Variants in KIRREL3 observed in about 807,000 individuals in gnomAD.
KIRREL3 encodes kirre like nephrin family adhesion molecule 3, also known as kin of IRRE-like protein 3.
Under a neutral mutation model 89.7 loss-of-function variants are expected in KIRREL3, and 36 were observed. The ratio of observed to expected loss-of-function variants is 0.40; its 90% CI spans 0.31 to 0.53. KIRREL3 has a LOEUF of 0.53. KIRREL3 is among the 20% of genes least tolerant of loss of function. The pLI is 0.49. For synonymous variants in KIRREL3, 445 were observed against 441.4 expected (o/e 1.01, Z -0.10); for missense variants, 864 against 1,056.6 (o/e 0.82, Z 2.53).
chr11:126,504,874 A>G (rs557475946), intron 4 of KIRREL3, among the ~76,000 whole-genome samples: 1 of 152,350 alleles, frequency 6.6e-6, no homozygotes, highest in South Asian at 2.1e-4. Context: ...TTACTGTAAT[A>G]CACTATATTA....
In KIRREL3 at chr11:126,946,928, G is replaced by A. The variant is rs758127863; in HGVS notation, c.55+53527C>T. Among the ~76,000 whole-genome samples, 2 of 152,180 alleles carry A rather than the reference G, an allele frequency of 1.3e-5. No individual in the cohort carries two copies. Among genetic ancestry groups the A allele is most frequent in the Non-Finnish European group, 2.9e-5 (2 of 68,042 alleles). On this transcript the variant is annotated intron_variant, in intron 1 of 16. Coordinates refer to ENST00000525144, the MANE Select transcript of KIRREL3 (RefSeq NM_032531.4). The surrounding 1 kb of genome is among the most constrained non-coding windows in gnomAD (Gnocchi z 4.1). ...CACCATACAGAGATTGAATGTGCAGGCATTGAGTGGTTAAATAACTTCCTA... is the reference window on the plus strand; with the variant it reads ...CACCATACAGAGATTGAATGTGCAGACATTGAGTGGTTAAATAACTTCCTA...
Position 126,773,514 on chromosome 11 carries a change from C to T in KIRREL3, c.56-210602G>A, listed in dbSNP as rs181014135. On this transcript the variant is annotated intron_variant, in intron 1 of 16. Coordinates refer to ENST00000525144, the MANE Select transcript of KIRREL3 (RefSeq NM_032531.4). The surrounding 1 kb of genome is among the most constrained non-coding windows in gnomAD (Gnocchi z 4.2). ...AATAAATCTGTCTTTCTCTATATAT[C>T]GCTTCCTGTTGGTTCTGTTTCTCTG... Among the ~76,000 whole-genome samples the T allele has an allele frequency of 1.1e-3, 172 of 152,332 alleles. 1 individual carries two copies. Among genetic ancestry groups the T allele is most frequent in the African/African-American group, 3.8e-3 (158 of 41,568 alleles).
At chr11:126,667,409 G>A (rs1945713808) in intron 1 of KIRREL3, among the ~76,000 whole-genome samples, 1 of 152,238 alleles carries the variant, frequency 6.6e-6, no homozygotes, top group Non-Finnish European at 1.5e-5. Flanking sequence ...TTGCACATAG[G>A]TGTAGTCTAT....
chr11:126,747,896 G>A lies in KIRREL3; in HGVS notation c.56-184984C>T, dbSNP rs1428934843. On this transcript the variant is annotated intron_variant, in intron 1 of 16. Coordinates refer to ENST00000525144, the MANE Select transcript of KIRREL3 (RefSeq NM_032531.4). This position sits in a 1 kb window ranked among gnomAD's most constrained non-coding sequence, Gnocchi z 4.7. ...AGGTCAACTGGAAGACTCCCCTCCAGACAGGCGTTGCGGTCTTTCCCTATC... is the reference window on the plus strand; with the variant it reads ...AGGTCAACTGGAAGACTCCCCTCCAAACAGGCGTTGCGGTCTTTCCCTATC... Among the ~76,000 whole-genome samples, 1 of 152,052 alleles carries A rather than the reference G, an allele frequency of 6.6e-6. No individual in the cohort carries two copies. The highest frequency in any genetic ancestry group is 1.9e-4 in the East Asian group (1 of 5,154).
intron 1 of KIRREL3, among the ~76,000 whole-genome samples, chr11:126,804,326 G>A (rs1243079440): frequency 1.3e-5 from 2 of 152,204 alleles, no homozygotes; most frequent in Non-Finnish European, 2.9e-5. Flanking sequence ...CCTGGCAGAG[G>A]CGAGAGTGGA....
At chr11:126,819,250 A>G (rs1943126972) in intron 1 of KIRREL3, among the ~76,000 whole-genome samples, 1 of 152,198 alleles carries the variant, frequency 6.6e-6, no homozygotes, top group Admixed American at 6.5e-5. Context: ...AGCATCTCGC[A>G]GGAGGTACCG....
intron 4 of KIRREL3, among the ~76,000 whole-genome samples, chr11:126,517,187 T>C (rs1958443950): frequency 1.6e-5 from 2 of 126,254 alleles, no homozygotes; most frequent in African/African-American, 5.9e-5. Context: ...TGTTTAATGT[T>C]TACAACAATT....
Position 126,769,916 on chromosome 11 carries a change from C to T in KIRREL3, c.56-207004G>A, listed in dbSNP as rs190488186. On this transcript the variant is annotated intron_variant, in intron 1 of 16. Coordinates refer to ENST00000525144, the MANE Select transcript of KIRREL3 (RefSeq NM_032531.4). The surrounding 1 kb of genome is among the most constrained non-coding windows in gnomAD (Gnocchi z 4.3). The stretch of plus-strand genomic sequence containing the variant: ...CACATACCCAGGGGGGTTGGCTTGG[C>T]GGAGTGTTGGGCACATAGCTAGAGC... Among the ~76,000 whole-genome samples the T allele has an allele frequency of 9.9e-5, 15 of 152,192 alleles. No individual in the cohort carries two copies. The highest frequency in any genetic ancestry group is 3.9e-4 in the Admixed American group (6 of 15,300).
chr11:126,834,899 G>T (rs1331633389), intron 1 of KIRREL3, among the ~76,000 whole-genome samples: 2 of 152,232 alleles, frequency 1.3e-5, no homozygotes, highest in Non-Finnish European at 2.9e-5. Flanking sequence ...TACTGACCAT[G>T]CTCAGAGCGT....
At chr11:126,746,342 T>C (rs11829011) in intron 1 of KIRREL3, among the ~76,000 whole-genome samples, 15 of 152,130 alleles carry the variant, frequency 9.9e-5, no homozygotes, top group African/African-American at 3.6e-4. Flanking sequence ...GTGCAAGGTG[T>C]CATGGAAGTG....
chr11:126,564,680 C>T lies in KIRREL3; in HGVS notation c.56-1768G>A, dbSNP rs1025436156. 6.6e-6 allele frequency among the ~76,000 whole-genome samples: 1 copy of T among 152,228 alleles called. No homozygotes were observed. The highest frequency in any genetic ancestry group is 2.4e-5 in the African/African-American group (1 of 41,472). ...GGCCCTTTCTTCAGGGGCTCCTGCT[C>T]TGTCGCAGGCCTCATGGATCAAAGC... On this transcript the variant is annotated intron_variant, in intron 1 of 16. Coordinates refer to ENST00000525144, the MANE Select transcript of KIRREL3 (RefSeq NM_032531.4). This position sits in a 1 kb window ranked among gnomAD's most constrained non-coding sequence, Gnocchi z 7.4.
chr11:126,425,662 CTCT>C lies in KIRREL3; in HGVS notation c.1866_1868del (p.Glu624del). 1 of 1,592,674 alleles carries C rather than the reference CTCT, an allele frequency of 6.3e-7. No homozygotes were observed. The highest frequency in any genetic ancestry group is 1.1e-5 in the South Asian group (1 of 87,116). On this transcript the variant is annotated inframe_deletion, in exon 16 of 17. Coordinates refer to ENST00000525144, the MANE Select transcript of KIRREL3 (RefSeq NM_032531.4). ...CCTTCAGGTTCTGAAACTCTTTCTC[CTCT>C]TCTTTGAGGACCTCCAGCTGTTTCA...
chr11:126,462,858 CG>C lies in KIRREL3; in HGVS notation c.742+298del, dbSNP rs1212741308. Among the ~76,000 whole-genome samples the C allele has an allele frequency of 3.3e-5, 5 of 152,132 alleles. No homozygotes were observed. The highest frequency in any genetic ancestry group is 9.7e-5 in the African/African-American group (4 of 41,424). On this transcript the variant is annotated intron_variant, in intron 6 of 16. Coordinates refer to ENST00000525144, the MANE Select transcript of KIRREL3 (RefSeq NM_032531.4). This position sits in a 1 kb window ranked among gnomAD's most constrained non-coding sequence, Gnocchi z 4.8. ...ACTTCCCCTCCAACAGAGGGGCCACCGGCTAGGCCAGCAGAGGCAGCAGCTG... is the reference window on the plus strand; with the variant it reads ...ACTTCCCCTCCAACAGAGGGGCCACCGCTAGGCCAGCAGAGGCAGCAGCTG...
rs1044033382 is a variant in KIRREL3, at chr11:126,485,590, G to A, written c.434-12124C>T. ...TCATGTAAGAGTTATGCAGTGTCTT[G>A]TCCCAGAGCTTGGCACTGTAGTAAG... On this transcript the variant is annotated intron_variant, in intron 4 of 16. Transcript: ENST00000525144. The surrounding 1 kb of genome is among the most constrained non-coding windows in gnomAD (Gnocchi z 5.8). 1.8e-4 allele frequency among the ~76,000 whole-genome samples: 28 copies of A among 152,374 alleles called. No homozygotes were observed. The highest frequency in any genetic ancestry group is 6.5e-4 in the African/African-American group (27 of 41,590).
chr11:126,730,204 C>A (rs531853266), intron 1 of KIRREL3, among the ~76,000 whole-genome samples: 9 of 152,336 alleles, frequency 5.9e-5, no homozygotes, highest in Non-Finnish European at 8.8e-5. Flanking sequence ...TGGCTCTCAG[C>A]CCCGCAGAAC....
chr11:126,560,926 T>C (rs1297957243), intron 2 of KIRREL3, among the ~76,000 whole-genome samples: 4 of 152,248 alleles, frequency 2.6e-5, no homozygotes, highest in African/African-American at 7.2e-5. Context: ...ATGTATGTCA[T>C]GGCTGCTATT....
chr11:126,962,744 A>G (rs761841681), intron 1 of KIRREL3, among the ~76,000 whole-genome samples: 2 of 152,292 alleles, frequency 1.3e-5, no homozygotes, highest in East Asian at 3.9e-4. Flanking sequence ...TGAAAGGAAC[A>G]TTCAAATTGA....
In KIRREL3 at chr11:126,526,942, C is replaced by T. The variant is rs565998804; in HGVS notation, c.134-255G>A. Among the ~76,000 whole-genome samples, 8 of 152,350 alleles carry T rather than the reference C, an allele frequency of 5.3e-5. No individual in the cohort carries two copies. The East Asian group carries it at 1.5e-3, about 29-fold the overall frequency. On this transcript the variant is annotated intron_variant, in intron 2 of 16. Transcript: ENST00000525144. The surrounding 1 kb of genome is among the most constrained non-coding windows in gnomAD (Gnocchi z 5.7). ...TAACACATGGACTGGTCTAGCCACACCCCAGCTCCCTATGGGCCATCTCCC... is the reference window on the plus strand; with the variant it reads ...TAACACATGGACTGGTCTAGCCACATCCCAGCTCCCTATGGGCCATCTCCC...
At chr11:126,944,873 C>T (rs958414411) in intron 1 of KIRREL3, 3 of 152,192 alleles carry the variant, frequency 2.0e-5, no homozygotes, top group Admixed American at 2.0e-4. Flanking sequence ...TTGGCTCTGA[C>T]CAGATTTAAT....
Sources: gnomAD v4.1 joint callset for allele counts (sites outside exome capture counted in the v4.1 genomes callset) on GRCh38, gnomAD v4.1.1 for gene constraint, Gnocchi (gnomAD v3.1) non-coding constraint, MANE v1.5 for transcripts, NCBI Gene and HGNC (gene_info 2026-07-23, HGNC 2026-07-21) for gene names.